GRXCR1: variants seen among roughly 807,000 people sequenced by gnomAD.
GRXCR1 encodes the protein glutaredoxin and cysteine rich domain containing 1, also known as glutaredoxin domain-containing cysteine-rich protein 1.
GRXCR1 carries 27 observed loss-of-function variants against 27.3 expected under a neutral mutation model. The ratio of observed to expected loss-of-function variants is 0.99; its 90% CI spans 0.73 to 1.37. The LOEUF is 1.37. Ranked by LOEUF, GRXCR1 falls within the 40% of genes most tolerant of loss-of-function variation. The pLI is 0.00. For synonymous variants in GRXCR1, 122 were observed against 131.1 expected, an observed-to-expected ratio of 0.93 and a Z score of 0.47; for missense variants, 379 against 354.4, an observed-to-expected ratio of 1.07 and a Z score of -0.56.
intron 1 of GRXCR1, among the ~76,000 whole-genome samples, chr4:42,945,221 T>A (rs1182438479): frequency 6.6e-6 from 1 of 152,156 alleles, no homozygotes; most frequent in East Asian, 1.9e-4. Context: ...CTGTGAGAAA[T>A]AAATTTCTGT....
At chr4:42,931,820 C>T (rs9291225) in intron 1 of GRXCR1, among the ~76,000 whole-genome samples, 5,227 of 151,906 alleles carry the variant, frequency 0.034, 262 homozygotes, top group African/African-American at 0.11. Flanking sequence ...TCTTTTCTCA[C>T]GCTGCTAATA....
chr4:43,007,577 T>A (rs2109800510), intron 2 of GRXCR1, among the ~76,000 whole-genome samples: 1 of 152,296 alleles, frequency 6.6e-6, no homozygotes, highest in Non-Finnish European at 1.5e-5. Flanking sequence ...AGGGAGGTGG[T>A]GGACCCCAGA....
chr4:42,990,709 A>G (rs922072256), intron 2 of GRXCR1, among the ~76,000 whole-genome samples: 2 of 151,882 alleles, frequency 1.3e-5, no homozygotes, highest in Non-Finnish European at 2.9e-5. Flanking sequence ...GTCATTAGAC[A>G]CTATGACCCA....
rs1577948323 is a variant in GRXCR1, at chr4:43,020,502, T to A, written c.693+83T>A. ...TATAATTGAGTTTTCCTAATTGAATTCTCTCTCCCCATGTTCTTACAAATA... is the reference window on the plus strand; with the variant it reads ...TATAATTGAGTTTTCCTAATTGAATACTCTCTCCCCATGTTCTTACAAATA... On this transcript the variant is annotated intron_variant, in intron 3 of 3. Transcript: ENST00000399770. 49 of 869,526 alleles carry A rather than the reference T, an allele frequency of 5.6e-5. No homozygotes were observed. In the East Asian group the frequency reaches 1.2e-3, roughly 22 times the overall value. The allele number at this position is 869,526 out of a possible 1,614,324, so 53.9% of individuals were successfully genotyped here. A position where few individuals can be genotyped will look rare whatever the true frequency, so the allele number is the denominator to read the frequency against.
intron 1 of GRXCR1, among the ~76,000 whole-genome samples, chr4:42,903,227 C>T (rs1306400582): frequency 7.8e-6 from 1 of 128,364 alleles, no homozygotes; most frequent in African/African-American, 2.7e-5. Context: ...ACAAATCAAC[C>T]AATGATACTT....
chr4:42,894,253 T>A (rs909458299), intron 1 of GRXCR1, among the ~76,000 whole-genome samples: 3 of 152,112 alleles, frequency 2.0e-5, no homozygotes, highest in African/African-American at 7.2e-5. Context: ...CAGACTGAGA[T>A]CTAGATTTTG....
intron 3 of GRXCR1, among the ~76,000 whole-genome samples, chr4:43,023,115 C>T (rs1324305745): frequency 6.6e-6 from 1 of 152,164 alleles, no homozygotes; most frequent in Non-Finnish European, 1.5e-5. Context: ...GGAAATCTGA[C>T]TATACTGTGG....
At chr4:42,983,087 T>C (rs1214932426) in intron 2 of GRXCR1, among the ~76,000 whole-genome samples, 3 of 150,928 alleles carry the variant, frequency 2.0e-5, no homozygotes, top group South Asian at 2.1e-4. Flanking sequence ...ATTTTGGCTT[T>C]TGTTGCCATT....
At chr4:42,952,610 C>T (rs1343690303) in intron 1 of GRXCR1, among the ~76,000 whole-genome samples, 2 of 152,008 alleles carry the variant, frequency 1.3e-5, no homozygotes, top group Non-Finnish European at 2.9e-5. Flanking sequence ...CTGAGATATA[C>T]CCTATAAGAT....
At chr4:42,923,183 C>T (rs191090242) in intron 1 of GRXCR1, among the ~76,000 whole-genome samples, 1 of 152,108 alleles carries the variant, frequency 6.6e-6, no homozygotes, top group African/African-American at 2.4e-5. Flanking sequence ...TAAGAGATAG[C>T]CCTGCCTTCC....
At chr4:42,941,615 G>T (rs1017009943) in intron 1 of GRXCR1, among the ~76,000 whole-genome samples, 1 of 151,914 alleles carries the variant, frequency 6.6e-6, no homozygotes, top group African/African-American at 2.4e-5. Flanking sequence ...AGTTCCAGAA[G>T]GATAACATAA....
intron 1 of GRXCR1, among the ~76,000 whole-genome samples, chr4:42,930,878 T>C (rs1168490196): frequency 6.6e-6 from 1 of 151,962 alleles, no homozygotes; most frequent in East Asian, 1.9e-4. Flanking sequence ...TGACAATAAT[T>C]AGAAATTTAT....
At chr4:42,968,836 G>A (rs1012550467) in intron 2 of GRXCR1, among the ~76,000 whole-genome samples, 13 of 151,870 alleles carry the variant, frequency 8.6e-5, no homozygotes, top group Non-Finnish European at 1.5e-4. Context: ...TTAACCTTTA[G>A]TAGCAAAGAA....
intron 1 of GRXCR1, among the ~76,000 whole-genome samples, chr4:42,901,219 C>T (rs763089962): frequency 6.6e-6 from 1 of 152,110 alleles, no homozygotes; most frequent in Non-Finnish European, 1.5e-5. Flanking sequence ...TACTACTCAC[C>T]CGGTGTATTA....
intron 1 of GRXCR1, among the ~76,000 whole-genome samples, chr4:42,898,379 A>G (rs1431220068): frequency 4.6e-5 from 7 of 152,024 alleles, no homozygotes; most frequent in Non-Finnish European, 8.8e-5. Context: ...GGTTGCAAGG[A>G]TTGACACTGA....
At chr4:42,941,250 G>A (rs1202631353) in intron 1 of GRXCR1, among the ~76,000 whole-genome samples, 1 of 151,864 alleles carries the variant, frequency 6.6e-6, no homozygotes, top group Non-Finnish European at 1.5e-5. Flanking sequence ...GTTAACACTT[G>A]TTATTATCTT....
chr4:43,025,659 G>T (rs892412341), intron 3 of GRXCR1, among the ~76,000 whole-genome samples: 13 of 152,150 alleles, frequency 8.5e-5, no homozygotes, highest in Middle Eastern at 3.2e-3. Context: ...CAACGTTTCC[G>T]CAGCAGTCAA....
At chr4:43,015,459 A>G (rs1032382514) in intron 2 of GRXCR1, among the ~76,000 whole-genome samples, 1 of 152,156 alleles carries the variant, frequency 6.6e-6, no homozygotes. Context: ...TTTATTTGAA[A>G]ACAATATTTT....
At chr4:43,016,866 C>T (rs1050552712) in intron 2 of GRXCR1, among the ~76,000 whole-genome samples, 5 of 151,992 alleles carry the variant, frequency 3.3e-5, no homozygotes, top group Admixed American at 1.3e-4. Context: ...TTTTATTCCT[C>T]GAAATGTGTA....
Sources: gnomAD v4.1 joint callset for allele counts (sites outside exome capture counted in the v4.1 genomes callset) on GRCh38, gnomAD v4.1.1 for gene constraint, MANE v1.5 for transcripts, NCBI Gene and HGNC (gene_info 2026-07-23, HGNC 2026-07-21) for gene names.